The following IRAK2 variants were observed in gnomAD, a reference collection of about 807,000 sequenced individuals.
IRAK2 encodes the protein interleukin 1 receptor associated kinase 2, also known as interleukin-1 receptor-associated kinase-like 2.
Under a neutral mutation model 72.0 loss-of-function variants are expected in IRAK2, and 57 were observed. The ratio of observed to expected loss-of-function variants is 0.79; its 90% CI spans 0.64 to 0.99. IRAK2 has a LOEUF of 0.99. Among genes scored for constraint, IRAK2 ranks in the 50% least tolerant of loss-of-function variants. IRAK2 has a pLI of 0.00. For missense variants in IRAK2, 790 were observed against 794.4 expected (o/e 0.99, Z 0.07); for synonymous variants, 293 against 312.7 (o/e 0.94, Z 0.67).
chr3:10,196,170 A>G (rs573981418), intron 2 of IRAK2, among the ~76,000 whole-genome samples: 26 of 152,358 alleles, frequency 1.7e-4, no homozygotes, highest in South Asian at 8.3e-4. Context: ...GCTGGAGTGC[A>G]GTGGCACAAT....
At chr3:10,219,596 G>C in intron 7 of IRAK2, 84 bp from the exon 8 acceptor site, 1 of 943,900 alleles carries the variant, frequency 1.1e-6, no homozygotes, top group East Asian at 2.6e-5. Flanking sequence ...GGGATTACAG[G>C]TGTGAGCCAC....
At position 10,175,890 on chromosome 3, in the gene IRAK2, C is replaced by CAAAAAAA. The variant is rs59718922; in HGVS notation, c.95-1931_95-1925dup. On this transcript the variant is annotated intron_variant, in intron 1 of 12. Transcript: ENST00000256458. The stretch of plus-strand genomic sequence containing the variant: ...TGGGTGACAGAGCGAGACTCCGTCT[C>CAAAAAAA]AAAAAAAAAAAAAAAAAAAAAAAGA... Among the ~76,000 whole-genome samples, 30 of 53,606 alleles carry CAAAAAAA rather than the reference C, an allele frequency of 5.6e-4. 1 individual carries two copies. The highest frequency in any genetic ancestry group is 9.0e-4 in the South Asian group (1 of 1,108). 35.2% of individuals were successfully genotyped at this position (53,606 alleles called of 152,430 possible).
chr3:10,192,603 G>A (rs1697194454), intron 2 of IRAK2, among the ~76,000 whole-genome samples: 1 of 152,164 alleles, frequency 6.6e-6, no homozygotes. Context: ...AATTAAATAG[G>A]CCACAGATAT....
intron 1 of IRAK2, among the ~76,000 whole-genome samples, chr3:10,165,344 C>T (rs1696665117): frequency 6.6e-6 from 1 of 152,130 alleles, no homozygotes; most frequent in African/African-American, 2.4e-5. Flanking sequence ...GGTGACGTCC[C>T]CAGGTGGCCT....
At chr3:10,188,421 G>A (rs932077711) in intron 2 of IRAK2, among the ~76,000 whole-genome samples, 16 of 152,200 alleles carry the variant, frequency 1.1e-4, no homozygotes, top group African/African-American at 2.4e-5. Flanking sequence ...TGCAACCTCC[G>A]CCTCCCGGGT....
intron 7 of IRAK2, among the ~76,000 whole-genome samples, chr3:10,218,909 T>A (rs541521543): frequency 4.6e-5 from 7 of 152,258 alleles, no homozygotes; most frequent in Admixed American, 4.6e-4. Flanking sequence ...TCAAAACCCA[T>A]AGTACAGGGT....
chr3:10,215,670 G>T (rs1411553796), intron 6 of IRAK2, among the ~76,000 whole-genome samples: 1 of 151,976 alleles, frequency 6.6e-6, no homozygotes, highest in Non-Finnish European at 1.5e-5. Flanking sequence ...TTAGATGTGA[G>T]CCACTGTGCT....
At chr3:10,202,672 G>T (rs1697379590) in intron 3 of IRAK2, among the ~76,000 whole-genome samples, 1 of 146,516 alleles carries the variant, frequency 6.8e-6, no homozygotes, top group African/African-American at 2.5e-5. Context: ...GTCAGCCTTT[G>T]CTGTTTACTT....
chr3:10,188,325 G>C (rs1697112896), intron 2 of IRAK2, among the ~76,000 whole-genome samples: 1 of 152,044 alleles, frequency 6.6e-6, no homozygotes, highest in African/African-American at 2.4e-5. Flanking sequence ...AGTTAATAAG[G>C]AACTAAAAAT....
intron 11 of IRAK2, among the ~76,000 whole-genome samples, chr3:10,236,342 G>GTTTT (rs34423993): frequency 2.2e-4 from 22 of 99,652 alleles, no homozygotes; most frequent in South Asian, 1.4e-3. Flanking sequence ...AGCCACTAAG[G>GTTTT]TTTTTTTTTT....
intron 8 of IRAK2, among the ~76,000 whole-genome samples, 200 bp from the exon 9 acceptor site, chr3:10,222,436 T>A (rs1315426843): frequency 6.6e-6 from 1 of 152,096 alleles, no homozygotes; most frequent in Non-Finnish European, 1.5e-5. Flanking sequence ...GAACTCCATC[T>A]CCATTTGCTG....
At chr3:10,221,685 C>T (rs1697696007) in intron 8 of IRAK2, among the ~76,000 whole-genome samples, 1 of 151,998 alleles carries the variant, frequency 6.6e-6, no homozygotes, top group East Asian at 1.9e-4. Flanking sequence ...CACCACCATG[C>T]CGTGCTGAAT....
intron 2 of IRAK2, among the ~76,000 whole-genome samples, chr3:10,191,762 C>T (rs1559443258): frequency 1.3e-5 from 2 of 152,264 alleles, no homozygotes; most frequent in Admixed American, 6.5e-5. Flanking sequence ...ACCCCTCCCT[C>T]GAGTTTGTTT....
intron 2 of IRAK2, among the ~76,000 whole-genome samples, chr3:10,184,977 C>T (rs557314609): frequency 7.3e-5 from 11 of 150,674 alleles, no homozygotes; most frequent in South Asian, 2.1e-4. Context: ...GTGATCCGCC[C>T]GCCTTGGCCT....
intron 2 of IRAK2, among the ~76,000 whole-genome samples, chr3:10,196,547 A>T (rs922667917): frequency 7.2e-5 from 11 of 152,250 alleles, no homozygotes; most frequent in African/African-American, 2.4e-4. Flanking sequence ...AGTTTCAGCC[A>T]CAAAGGCCTT....
intron 3 of IRAK2, among the ~76,000 whole-genome samples, chr3:10,204,682 G>A (rs950127172): frequency 6.6e-6 from 1 of 152,116 alleles, no homozygotes; most frequent in Non-Finnish European, 1.5e-5. Flanking sequence ...CTGGGAGGCG[G>A]AGGTTGCAGT....
rs746846013 is a variant in IRAK2, at chr3:10,164,944, C to G, written c.-11C>G. ...AGTCGTCCCGCGCCGGAGCCGGCCCCGTAGCGTGCCATGGCCTGCTACATC... is the reference window on the plus strand; with the variant it reads ...AGTCGTCCCGCGCCGGAGCCGGCCCGGTAGCGTGCCATGGCCTGCTACATC... On this transcript the variant is annotated 5_prime_UTR_variant, in exon 1 of 13. Transcript: ENST00000256458. 1.3e-6 allele frequency: 2 copies of G among 1,599,732 alleles called. No homozygotes were observed. Among genetic ancestry groups the G allele is most frequent in the Non-Finnish European group, 1.7e-6 (2 of 1,173,134 alleles).
At chr3:10,204,941 C>T (rs920875776) in intron 3 of IRAK2, among the ~76,000 whole-genome samples, 1 of 152,168 alleles carries the variant, frequency 6.6e-6, no homozygotes, top group Non-Finnish European at 1.5e-5. Flanking sequence ...TATCACCCAA[C>T]AAGTATCCCA....
chr3:10,234,449 C>T lies in IRAK2; in HGVS notation c.1273-10C>T. ...CTCACGCAAGGGCGTTTCTACCCTT[C>T]TTCCCACAGAAGGACTTACTCCTCA... On this transcript the variant is annotated splice_polypyrimidine_tract_variant and intron_variant, in intron 10 of 12. Transcript: ENST00000256458. 6.2e-7 allele frequency: 1 copy of T among 1,613,206 alleles called. No homozygotes were observed. Among genetic ancestry groups the T allele is most frequent in the Non-Finnish European group, 8.5e-7 (1 of 1,179,142 alleles).
Sources: gnomAD v4.1 joint callset for allele counts (sites outside exome capture counted in the v4.1 genomes callset) on GRCh38, gnomAD v4.1.1 for gene constraint, MANE v1.5 for transcripts, NCBI Gene and HGNC (gene_info 2026-07-23, HGNC 2026-07-21) for gene names.